MGAT4C: variants seen among roughly 807,000 people sequenced by gnomAD.
MGAT4C encodes the protein MGAT4 family member C.
MGAT4C carries 19 observed loss-of-function variants against 40.1 expected under a neutral mutation model. The ratio of observed to expected loss-of-function variants is 0.47; its 90% CI spans 0.33 to 0.70. The LOEUF (loss-of-function observed/expected upper bound fraction) is 0.70. Ranked by LOEUF, MGAT4C falls within the 30% of genes least tolerant of loss-of-function variation. MGAT4C has a pLI of 0.02. For missense variants in MGAT4C, 491 were observed against 563.2 expected (o/e 0.87, Z 1.30); for synonymous variants, 181 against 187.1 (o/e 0.97, Z 0.27).
At chr12:86,557,328 A>C (rs1240267005) in intron 2 of MGAT4C, among the ~76,000 whole-genome samples, 1 of 152,184 alleles carries the variant, frequency 6.6e-6, no homozygotes, top group Non-Finnish European at 1.5e-5. Context: ...TGCCTCACCC[A>C]CCATTGGTGC....
intron 4 of MGAT4C, among the ~76,000 whole-genome samples, chr12:86,282,347 T>C (rs1043757331): frequency 2.6e-5 from 4 of 152,116 alleles, no homozygotes; most frequent in Non-Finnish European, 5.9e-5. Context: ...CAATATTCTA[T>C]CTGTTGTTAA....
chr12:86,211,473 G>A (rs1420967618), intron 1 of MGAT4C, among the ~76,000 whole-genome samples: 3 of 141,308 alleles, frequency 2.1e-5, no homozygotes, highest in Non-Finnish European at 4.5e-5. Flanking sequence ...TGTAGTCCCA[G>A]CTACTCGGGA....
chr12:86,574,671 CT>C (rs1960493216), intron 2 of MGAT4C, among the ~76,000 whole-genome samples: 1 of 151,666 alleles, frequency 6.6e-6, no homozygotes, highest in Non-Finnish European at 1.5e-5. Flanking sequence ...ATGTATGCTG[CT>C]TACTTGATTA....
At chr12:86,581,961 T>A (rs1565863666) in intron 2 of MGAT4C, among the ~76,000 whole-genome samples, 3 of 151,510 alleles carry the variant, frequency 2.0e-5, no homozygotes, top group Non-Finnish European at 4.4e-5. Context: ...TAAGCAAAGA[T>A]ACAGTCCGTG....
intron 1 of MGAT4C, among the ~76,000 whole-genome samples, chr12:86,774,315 C>CTTTCTTTCTTTCTTTCTTTCTGTCTT: frequency 5.1e-5 from 3 of 59,394 alleles, no homozygotes; most frequent in South Asian, 1.4e-3. Context: ...TTCTTTCTTT[C>CTTTCTTTCTTTCTTTCTTTCTGTCTT]TTTCTTTCTT....
At chr12:86,147,042 G>T (rs1593069341) in intron 1 of MGAT4C, among the ~76,000 whole-genome samples, 1 of 152,178 alleles carries the variant, frequency 6.6e-6, no homozygotes, top group East Asian at 1.9e-4. Flanking sequence ...TCTTTAGAAT[G>T]TCTAGAAAAA....
chr12:86,549,455 G>T (rs1236648588), intron 2 of MGAT4C, among the ~76,000 whole-genome samples: 1 of 152,030 alleles, frequency 6.6e-6, no homozygotes, highest in African/African-American at 2.4e-5. Flanking sequence ...ACTTACAGTT[G>T]GAAATATAAT....
rs920902047 is a variant in MGAT4C at position 86,700,983 on chromosome 12, T to C, written c.-229+26226A>G. ...TGTAAACTTTTCCAAGAAATATAAA[T>C]GCAATAAGAAAAAATATATTAAAAA... On this transcript the variant is annotated intron_variant, in intron 2 of 7. Transcript: ENST00000548651. Among the ~76,000 whole-genome samples, 3 of 152,144 alleles carry C rather than the reference T, an allele frequency of 2.0e-5. No homozygotes were observed. The East Asian group carries it at 5.8e-4, about 29-fold the overall frequency.
chr12:86,136,845 G>A (rs1326646470), intron 1 of MGAT4C, among the ~76,000 whole-genome samples: 3 of 151,886 alleles, frequency 2.0e-5, no homozygotes, highest in East Asian at 3.9e-4. Context: ...ACACTACCAC[G>A]CCTGGCTAAT....
At chr12:86,293,373 C>T (rs1481459133) in intron 4 of MGAT4C, among the ~76,000 whole-genome samples, 1 of 152,000 alleles carries the variant, frequency 6.6e-6, no homozygotes, top group Non-Finnish European at 1.5e-5. Context: ...CTGGTCTTTC[C>T]AAGAAAACAT....
intron 2 of MGAT4C, among the ~76,000 whole-genome samples, chr12:86,567,658 C>G (rs192696958): frequency 6.6e-6 from 1 of 152,078 alleles, no homozygotes; most frequent in Non-Finnish European, 1.5e-5. Context: ...AGGTAAAAAC[C>G]ACGATGTGCT....
chr12:86,320,898 C>G (rs1227756775), intron 4 of MGAT4C, among the ~76,000 whole-genome samples: 1 of 152,076 alleles, frequency 6.6e-6, no homozygotes, highest in Admixed American at 6.6e-5. Flanking sequence ...ATCGTTACCA[C>G]ATCATTTTTC....
intron 2 of MGAT4C, among the ~76,000 whole-genome samples, chr12:86,554,908 C>A (rs895062268): frequency 5.3e-5 from 8 of 152,048 alleles, no homozygotes; most frequent in African/African-American, 1.9e-4. Flanking sequence ...GAGGAGAATT[C>A]ATTTCTTTGC....
intron 4 of MGAT4C, among the ~76,000 whole-genome samples, chr12:86,307,837 G>A (rs1277610741): frequency 1.3e-5 from 2 of 149,548 alleles, no homozygotes; most frequent in African/African-American, 5.1e-5. Context: ...AGAGCTGCTG[G>A]GACTACAGGC....
chr12:86,497,893 A>AATATATATATATATAT (rs71078904), intron 2 of MGAT4C, among the ~76,000 whole-genome samples: 2 of 133,884 alleles, frequency 1.5e-5, no homozygotes, highest in South Asian at 2.3e-4. Flanking sequence ...GAAATTCCTA[A>AATATATATATATATAT]ATATATATAT....
At chr12:86,314,062 G>A (rs1205995715) in intron 4 of MGAT4C, among the ~76,000 whole-genome samples, 1 of 152,170 alleles carries the variant, frequency 6.6e-6, no homozygotes, top group African/African-American at 2.4e-5. Flanking sequence ...ATGGATAAGT[G>A]TTTCCTATAT....
At chr12:86,505,457 T>G (rs1958455891) in intron 2 of MGAT4C, among the ~76,000 whole-genome samples, 1 of 152,182 alleles carries the variant, frequency 6.6e-6, no homozygotes. Flanking sequence ...CAGGCCCACC[T>G]AAAATTCTAT....
chr12:86,523,510 C>T (rs926983115), intron 2 of MGAT4C, among the ~76,000 whole-genome samples: 1 of 152,040 alleles, frequency 6.6e-6, no homozygotes, highest in African/African-American at 2.4e-5. Context: ...CTTCCAACCA[C>T]GTGATGAACT....
At chr12:86,482,037 TTTC>T (rs1396024281) in intron 2 of MGAT4C, among the ~76,000 whole-genome samples, 1 of 150,482 alleles carries the variant, frequency 6.6e-6, no homozygotes, top group Non-Finnish European at 1.5e-5. Context: ...AGTCCTCTTT[TTTC>T]TTATTTGTAT....
Sources: allele counts gnomAD v4.1 joint callset (sites outside exome capture counted in the v4.1 genomes callset), GRCh38; gene constraint gnomAD v4.1.1; transcripts MANE v1.5; gene names NCBI Gene and HGNC (gene_info 2026-07-23, HGNC 2026-07-21).